The following C11orf65 variants were observed in gnomAD, a reference collection of about 807,000 sequenced individuals.
C11orf65 encodes the protein protein MFI.
C11orf65 carries 38 observed loss-of-function variants against 35.3 expected under a neutral mutation model. That is an observed-to-expected ratio of 1.08 (90% CI 0.83 to 1.41). The LOEUF (loss-of-function observed/expected upper bound fraction) is 1.41, where lower values mean the gene tolerates loss of function less well. Among genes scored for constraint, C11orf65 ranks in the 40% most tolerant of loss-of-function variants. The probability of loss-of-function intolerance (pLI) is 0.00; values close to 1 mark genes in which losing one functional copy is unlikely to be tolerated. For missense variants in C11orf65, 370 were observed against 367.1 expected (o/e 1.01, Z -0.06); for synonymous variants, 105 against 114.4 (o/e 0.92, Z 0.53).
chr11:108,357,676 C>G (rs2090173565), intron 2 of C11orf65, among the ~76,000 whole-genome samples: 3 of 152,272 alleles, frequency 2.0e-5, no homozygotes, highest in South Asian at 4.1e-4. Context: ...CACCCCCCAG[C>G]AGGGGCACAC....
Position 108,341,028 on chromosome 11 carries a change from CAT to C in C11orf65, c.227-5738_227-5737del, listed in dbSNP as rs147546913. Among the ~76,000 whole-genome samples the C allele has an allele frequency of 8.0e-3, 1,225 of 152,226 alleles. 23 individuals carry two copies. The highest frequency in any genetic ancestry group is 0.028 in the African/African-American group (1,151 of 41,526). On this transcript the variant is annotated intron_variant, in intron 2 of 3. Transcript: ENST00000524755. The stretch of plus-strand genomic sequence containing the variant: ...TTCCATTTTCCTGTTCAGAACCCCA[CAT>C]GAGTTCACATTATCCCTGAATGACA...
At chr11:108,355,845 T>G (rs1396798539) in intron 2 of C11orf65, 1 of 152,228 alleles carries the variant, frequency 6.6e-6, no homozygotes, top group Non-Finnish European at 1.5e-5. Context: ...TGGGGCTTTA[T>G]CCCTTGGAAG....
chr11:108,330,113 A>C (rs2086096563), downstream of C11orf65: 184 of 1,389,460 alleles, frequency 1.3e-4, no homozygotes, highest in Non-Finnish European at 1.6e-4. Flanking sequence ...CCCTGGGATA[A>C]AAACCCAACT....
chr11:108,327,638 T>TA (rs760058702), downstream of C11orf65: 3 of 1,611,246 alleles, frequency 1.9e-6, no homozygotes, highest in Non-Finnish European at 2.5e-6. Flanking sequence ...TTGCCTTTCT[T>TA]ATACAGAACA....
At chr11:108,453,303 T>TA (rs1394074764) in intron 2 of C11orf65, among the ~76,000 whole-genome samples, 1 of 151,184 alleles carries the variant, frequency 6.6e-6, no homozygotes, top group Non-Finnish European at 1.5e-5. Context: ...AATATTTAAT[T>TA]ACCACCAAGA....
chr11:108,315,269 G>T (rs1005665196), intron 6 of C11orf65, among the ~76,000 whole-genome samples: 5 of 152,200 alleles, frequency 3.3e-5, no homozygotes, highest in African/African-American at 1.2e-4. Context: ...AGTACAATAT[G>T]TACGATAGTT....
chr11:108,421,489 C>T (rs1479122374), intron 3 of C11orf65, among the ~76,000 whole-genome samples: 1 of 152,090 alleles, frequency 6.6e-6, no homozygotes, highest in Admixed American at 6.6e-5. Context: ...AACCCTGTCT[C>T]TACTAAAAAT....
intron 2 of C11orf65, among the ~76,000 whole-genome samples, chr11:108,357,438 C>A (rs1413725001): frequency 1.3e-5 from 2 of 152,228 alleles, no homozygotes; most frequent in Non-Finnish European, 2.9e-5. Flanking sequence ...TGGGTGGAAC[C>A]CACCACAGCT....
intron 5 of C11orf65, 107 bp from the exon 6 acceptor site, chr11:108,405,666 G>T: frequency 9.0e-7 from 1 of 1,111,462 alleles, no homozygotes; most frequent in Non-Finnish European, 1.3e-6. Flanking sequence ...TGGCAAGATA[G>T]AAACAGAGGA....
At chr11:108,447,946 G>C (rs905673411) in intron 2 of C11orf65, among the ~76,000 whole-genome samples, 5 of 152,096 alleles carry the variant, frequency 3.3e-5, no homozygotes, top group African/African-American at 1.2e-4. Flanking sequence ...AAATGATAAA[G>C]GGGATATCAC....
rs587779873 is a variant in C11orf65, at chr11:108,347,288, T to C, written c.227-11996A>G. On this transcript the variant is annotated intron_variant, in intron 2 of 3. Coordinates refer to the C11orf65 transcript ENST00000524755. Reference sequence around the variant, plus strand: ...TTTCTTTTTTCTCCAGTTGGTTACATACTTGGACTTGGTGATAGACATGTA... The same window carrying C: ...TTTCTTTTTTCTCCAGTTGGTTACACACTTGGACTTGGTGATAGACATGTA... The C allele has an allele frequency of 6.2e-7, 1 of 1,608,586 alleles. No homozygotes were observed. The highest frequency in any genetic ancestry group is 8.5e-7 in the Non-Finnish European group (1 of 1,175,224).
At chr11:108,343,398 A>G (rs755047475) in intron 2 of C11orf65, 2 of 1,612,582 alleles carry the variant, frequency 1.2e-6, no homozygotes, top group Non-Finnish European at 1.7e-6. Flanking sequence ...ATTAAAGGTT[A>G]TTGTAAGATT....
chr11:108,339,918 A>G (rs1439848024), intron 2 of C11orf65, among the ~76,000 whole-genome samples: 3 of 152,182 alleles, frequency 2.0e-5, no homozygotes, highest in African/African-American at 7.2e-5. Flanking sequence ...GAAATCAGAA[A>G]GGCCATGAGA....
intron 6 of C11orf65, among the ~76,000 whole-genome samples, chr11:108,397,288 C>T (rs1160317576): frequency 2.0e-5 from 3 of 147,704 alleles, no homozygotes; most frequent in Admixed American, 6.8e-5. Flanking sequence ...CAATGTACTC[C>T]AGCCTGGGCA....
chr11:108,392,242 T>A (rs1390029806), intron 7 of C11orf65, among the ~76,000 whole-genome samples: 2 of 151,954 alleles, frequency 1.3e-5, no homozygotes, highest in Non-Finnish European at 2.9e-5. Context: ...AGATGGGGTC[T>A]CGCTATGTTG....
chr11:108,441,391 G>C (rs1046339514), intron 2 of C11orf65, among the ~76,000 whole-genome samples: 1 of 152,222 alleles, frequency 6.6e-6, no homozygotes, highest in Admixed American at 6.5e-5. Flanking sequence ...CTCCACCTCT[G>C]GGGGCAGGGC....
At chr11:108,452,288 A>T (rs1447673608) in intron 2 of C11orf65, among the ~76,000 whole-genome samples, 1 of 152,196 alleles carries the variant, frequency 6.6e-6, no homozygotes. Flanking sequence ...GAATCTACAA[A>T]GAACTTAAAC....
At chr11:108,315,635 G>A (rs1269383040) in intron 6 of C11orf65, among the ~76,000 whole-genome samples, 1 of 151,912 alleles carries the variant, frequency 6.6e-6, no homozygotes, top group Non-Finnish European at 1.5e-5. Context: ...AAGTTGTCCT[G>A]CACAGTTCAA....
Position 108,313,661 on chromosome 11 carries a change from TG to T in C11orf65, c.641-4591del, listed in dbSNP as rs376283950. On this transcript the variant is annotated intron_variant, in intron 6 of 6. Coordinates refer to the C11orf65 transcript ENST00000525729. Reference sequence around the variant, plus strand: ...TCTCTACTGAGTTTTTGGAATATCGTGTGTGTACTAAGCACTGTGCTAAGCA... The same window carrying T: ...TCTCTACTGAGTTTTTGGAATATCGTTGTGTACTAAGCACTGTGCTAAGCA... Among the ~76,000 whole-genome samples the T allele has an allele frequency of 1.2e-3, 186 of 152,316 alleles. 1 individual carries two copies. The highest frequency in any genetic ancestry group is 4.3e-3 in the African/African-American group (180 of 41,568).
Sources: gnomAD v4.1 joint callset for allele counts (sites outside exome capture counted in the v4.1 genomes callset) on GRCh38, gnomAD v4.1.1 for gene constraint, MANE v1.5 for transcripts, NCBI Gene and HGNC (gene_info 2026-07-23, HGNC 2026-07-21) for gene names.